The following CCT6A variants were observed in gnomAD, a reference collection of about 807,000 sequenced individuals.
CCT6A encodes T-complex protein 1 subunit zeta.
CCT6A carries 6 observed loss-of-function variants against 58.6 expected under a neutral mutation model. That is an observed-to-expected ratio of 0.10 (90% confidence interval 0.06 to 0.20). CCT6A has a LOEUF of 0.20. Among genes scored for constraint, CCT6A ranks in the 10% least tolerant of loss-of-function variants. The probability of loss-of-function intolerance (pLI) is 1.00; values close to 1 mark genes in which losing one functional copy is unlikely to be tolerated. For missense variants in CCT6A, 516 were observed against 648.8 expected, an observed-to-expected ratio of 0.80 and a Z score of 2.22; for synonymous variants, 245 against 227.8, an observed-to-expected ratio of 1.08 and a Z score of -0.68.
chr7:56,060,494 T>C, intron 10 of CCT6A, 78 bp downstream of exon 10: 1 of 1,466,952 alleles, frequency 6.8e-7, no homozygotes, highest in Non-Finnish European at 9.5e-7. Context: ...TGTGTTTTTA[T>C]CAGTAGTTTA....
intron 5 of CCT6A, among the ~76,000 whole-genome samples, chr7:56,057,562 C>T (rs1201796316): frequency 6.6e-6 from 1 of 152,164 alleles, no homozygotes; most frequent in Non-Finnish European, 1.5e-5. Flanking sequence ...GCAGACTTTT[C>T]TGTACAGCGT....
chr7:56,053,643 G>A (rs577124699), intron 2 of CCT6A, among the ~76,000 whole-genome samples: 2 of 152,242 alleles, frequency 1.3e-5, no homozygotes, highest in South Asian at 4.2e-4. Context: ...AGTCCCAGCT[G>A]CTTCAGAGGC....
chr7:56,061,754 C>T lies in CCT6A; in HGVS notation c.1355C>T (p.Ala452Val). ...TAAATTTGTTTACTTTAGGTTCTTG[C>T]TCAGAACTCTGGTTTTGACCTTCAG... ...DALLIIPKVL[A>V]QNSGFDLQET... The change falls in exon 12 of 14, where the codon GCT becomes GTT. Residue 452 changes from alanine (A) to valine (V), a missense_variant. This residue lies in a region of CCT6A where 315 missense variants were observed against 389.4 expected (regional missense o/e 0.81). Transcript: ENST00000275603. 1 of 1,470,222 alleles carries T rather than the reference C, an allele frequency of 6.8e-7. No individual in the cohort carries two copies. Among genetic ancestry groups the T allele is most frequent in the Non-Finnish European group, 9.1e-7 (1 of 1,097,004 alleles). The allele number at this position is 1,470,222 out of a possible 1,614,324, so 91.1% of individuals were successfully genotyped here.
chr7:56,063,956 G>A lies in CCT6A; in HGVS notation c.*871G>A. 2.4e-6 allele frequency: 1 copy of A among 424,808 alleles called. No individual in the cohort carries two copies. Among genetic ancestry groups the A allele is most frequent in the South Asian group, 3.0e-5 (1 of 32,904 alleles). 26.3% of individuals were successfully genotyped at this position (424,808 alleles called of 1,614,324 possible). A position where few individuals can be genotyped will look rare whatever the true frequency, so the allele number is the denominator to read the frequency against. ...TTTGGGATGTCAGCAGTGGCCTGAA[G>A]TGAGTTGTGCAATAAATGTTAAGTT... On this transcript the variant is annotated 3_prime_UTR_variant, in exon 14 of 14. Transcript: ENST00000275603.
chr7:56,059,811 T>A (rs1167967674), intron 9 of CCT6A, 171 bp downstream of exon 9: 4 of 550,518 alleles, frequency 7.3e-6, no homozygotes, highest in Non-Finnish European at 1.3e-5. Context: ...GCCTCAGGCT[T>A]CTGAGCAGGT....
Position 56,063,676 on chromosome 7 carries a change from A to G in CCT6A, c.*591A>G, listed in dbSNP as rs1174337265. On this transcript the variant is annotated 3_prime_UTR_variant, in exon 14 of 14. Coordinates refer to ENST00000275603, the MANE Select transcript of CCT6A (RefSeq NM_001762.4). ...AGGCAAGGGAGTTGAGAGAGCTGCA[A>G]CTGTAAAGGGCAAGAACAGGCAGAG... is the stretch of plus-strand genomic sequence containing the variant. 1.3e-5 allele frequency: 2 copies of G among 159,350 alleles called. No individual in the cohort carries two copies. The highest frequency in any genetic ancestry group is 4.8e-5 in the African/African-American group (2 of 41,484). The allele number at this position is 159,350 out of a possible 1,614,324, so 9.9% of individuals were successfully genotyped here.
chr7:56,063,210 G>T lies in CCT6A; in HGVS notation c.*125G>T, dbSNP rs1794512850. On this transcript the variant is annotated 3_prime_UTR_variant, in exon 14 of 14. Transcript: ENST00000275603. ...AATTTTCCCATATGAAAAAAGGAGA[G>T]AACACTGGCATCTGTTGAAATTTGG... 1 of 711,122 alleles carries T rather than the reference G, an allele frequency of 1.4e-6. No individual in the cohort carries two copies. Among genetic ancestry groups the T allele is most frequent in the East Asian group, 2.5e-5 (1 of 39,368 alleles). The allele number at this position is 711,122 out of a possible 1,614,324, so 44.1% of individuals were successfully genotyped here.
chr7:56,060,935 C>G lies in CCT6A; in HGVS notation c.1342C>G (p.Pro448Ala). ...ATTTGCTGATGCATTGCTCATTATTCCCAAGGTGTGCATGCTTTTAACAGT... is the reference window on the plus strand; with the variant it reads ...ATTTGCTGATGCATTGCTCATTATTGCCAAGGTGTGCATGCTTTTAACAGT... ...QAFADALLII[P>A]KVLAQNSGFD... Residue 448 changes from proline to alanine, a missense_variant, in exon 11 of 14, where the codon CCC becomes GCC. Pro to Ala is a conservative substitution (Grantham distance 27). Coordinates refer to ENST00000275603, the MANE Select transcript of CCT6A (RefSeq NM_001762.4). 1 of 1,608,222 alleles carries G rather than the reference C, an allele frequency of 6.2e-7. No individual in the cohort carries two copies. Among genetic ancestry groups the G allele is most frequent in the Non-Finnish European group, 8.5e-7 (1 of 1,178,306 alleles).
chr7:56,052,351 C>T (rs1420152627), intron 1 of CCT6A, 71 bp from the exon 2 acceptor site: 3 of 1,413,930 alleles, frequency 2.1e-6, no homozygotes, highest in Non-Finnish European at 3.0e-6. Context: ...TGGGAAAAGC[C>T]CGTTTTCTAA....
chr7:56,051,818 C>T lies in CCT6A; in HGVS notation c.-31C>T, dbSNP rs1484709427. The T allele has an allele frequency of 9.7e-6, 15 of 1,547,934 alleles. No individual in the cohort carries two copies. In the Admixed American group the frequency reaches 9.8e-5, roughly 10 times the overall value. ...CGCCGCGCCGGCTCTGGGCACTCAG[C>T]ATCGTTTCCTTTTCCTCCGCTGGAG... On this transcript the variant is annotated 5_prime_UTR_variant, in exon 1 of 14. Transcript: ENST00000275603.
rs1562851095 is a variant in CCT6A at position 56,059,602 on chromosome 7, T to G, written c.1027T>G (p.Cys343Gly). Residue 343 changes from cysteine to glycine, a missense_variant, in exon 9 of 14, where the codon TGC becomes GGC. Physicochemically the swap from Cys to Gly is radical, Grantham distance 159. Transcript: ENST00000275603. ...TTCTTTTGACGACCTAAGTCCTGACTGCTTGGGACATGCAGGACTTGTATA... is the reference window on the plus strand; with the variant it reads ...TTCTTTTGACGACCTAAGTCCTGACGGCTTGGGACATGCAGGACTTGTATA... ...LNSFDDLSPD[C>G]LGHAGLVYEY... The G allele has an allele frequency of 6.2e-7, 1 of 1,603,466 alleles. No homozygotes were observed. The highest frequency in any genetic ancestry group is 8.5e-7 in the Non-Finnish European group (1 of 1,170,374).
chr7:56,061,668 C>CTTTTTTTTTTTTTTTTTTTTTTTTTT lies in CCT6A; in HGVS notation c.1348-78_1348-53dup, dbSNP rs71015174. ...GGCCGAGATTTTCTTTTTCTTTTTTCTTTTTTTTTTTTTTTTTTTTTTTTT... is the reference window on the plus strand; with the variant it reads ...GGCCGAGATTTTCTTTTTCTTTTTTCTTTTTTTTTTTTTTTTTTTTTTTTTTTTTTTTTTTTTTTTTTTTTTTTTTT... On this transcript the variant is annotated intron_variant, in intron 11 of 13. Transcript: ENST00000275603. The CTTTTTTTTTTTTTTTTTTTTTTTTTT allele has an allele frequency of 2.2e-5, 7 of 312,698 alleles. 1 individual carries two copies. Among genetic ancestry groups the CTTTTTTTTTTTTTTTTTTTTTTTTTT allele is most frequent in the South Asian group, 5.6e-5 (2 of 35,452 alleles). 19.4% of individuals were successfully genotyped at this position (312,698 alleles called of 1,614,324 possible). A position where few individuals can be genotyped will look rare whatever the true frequency, so the allele number is the denominator to read the frequency against.
intron 11 of CCT6A, among the ~76,000 whole-genome samples, chr7:56,061,227 CATT>C (rs1164586436): frequency 1.3e-5 from 2 of 152,058 alleles, no homozygotes; most frequent in African/African-American, 4.8e-5. Flanking sequence ...AAACTGATAT[CATT>C]GTTTTCTATT....
intron 11 of CCT6A, among the ~76,000 whole-genome samples, 187 bp downstream of exon 11, chr7:56,061,127 C>T (rs1443918502): frequency 6.6e-6 from 1 of 152,226 alleles, no homozygotes; most frequent in Non-Finnish European, 1.5e-5. Context: ...GAATAGCTGA[C>T]ATTGCAGATG....
Position 56,063,069 on chromosome 7 carries a change from C to G in CCT6A, c.1580C>G (p.Ser527Cys), listed in dbSNP as rs1198899376. Reference sequence around the variant, plus strand: ...GATGAGATCATGCGAGCTGGAATGTCTTCTCTGAAAGGTTGAATTGAAGCT... The same window carrying G: ...GATGAGATCATGCGAGCTGGAATGTGTTCTCTGAAAGGTTGAATTGAAGCT... ...LVDEIMRAGM[S>C]SLKG Residue 527 changes from serine to cysteine, a missense_variant, in exon 14 of 14, where the codon TCT becomes TGT. This residue lies in a region of CCT6A where 315 missense variants were observed against 389.4 expected (regional missense o/e 0.81). Transcript: ENST00000275603. The G allele has an allele frequency of 6.2e-7, 1 of 1,609,620 alleles. No individual in the cohort carries two copies. The highest frequency in any genetic ancestry group is 2.2e-5 in the East Asian group (1 of 44,842).
intron 11 of CCT6A, 52 bp from the exon 12 acceptor site, chr7:56,061,686 TTTTTTTTTA>T: frequency 5.3e-6 from 3 of 566,408 alleles, no homozygotes; most frequent in Admixed American, 4.0e-5. Flanking sequence ...TTTTTTTTTT[TTTTTTTTTA>T]CTATCAGTTA....
rs899555698 is a variant in CCT6A, at chr7:56,051,968, C to G, written c.120C>G (p.Pro40=). ...LQDVLRTNLG[P]KGTMKMLVSG... is the part of the protein sequence containing the mutation. The stretch of plus-strand genomic sequence containing the variant: ...ACGTGCTAAGGACCAACCTGGGGCC[C>G]AAGGGCACCATGAAGATGTAAGGCG... Residue 40 remains proline, a synonymous_variant, in exon 1 of 14, where the codon CCC becomes CCG. Transcript: ENST00000275603. 4.4e-5 allele frequency: 68 copies of G among 1,532,530 alleles called. No homozygotes were observed. The highest frequency in any genetic ancestry group is 5.4e-5 in the Non-Finnish European group (61 of 1,139,216). 94.9% of individuals were successfully genotyped at this position (1,532,530 alleles called of 1,614,324 possible).
At chr7:56,056,221 A>G in intron 4 of CCT6A, 90 bp from the exon 5 acceptor site, 2 of 778,026 alleles carry the variant, frequency 2.6e-6, no homozygotes, top group Admixed American at 1.9e-5. Flanking sequence ...TAGAATTGTA[A>G]AATGAAACTG....
At chr7:56,058,239 C>G in intron 6 of CCT6A, 123 bp from the exon 7 acceptor site, 2 of 861,908 alleles carry the variant, frequency 2.3e-6, no homozygotes, top group Admixed American at 2.6e-5. Context: ...GAAACAGTCT[C>G]TGAAGATGCA....
Sources: gnomAD v4.1 joint callset for allele counts (sites outside exome capture counted in the v4.1 genomes callset) on GRCh38, gnomAD v4.1.1 for gene constraint, gnomAD v4.1.1 regional missense constraint, MANE v1.5 for transcripts, NCBI Gene and HGNC (gene_info 2026-07-23, HGNC 2026-07-21) for gene names.